Variants in REEP3 observed in about 807,000 individuals in gnomAD.
The protein encoded by REEP3 is receptor expression-enhancing protein 3.
In REEP3, 20 loss-of-function variants were observed where a neutral mutation model predicts 41.3. That is an observed-to-expected ratio of 0.48 (90% CI 0.34 to 0.70). The LOEUF is 0.70. REEP3 is among the 30% of genes least tolerant of loss of function. The pLI is 0.01. For missense variants in REEP3, 271 were observed against 308.8 expected (o/e 0.88, Z 0.92); for synonymous variants, 104 against 101.8 (o/e 1.02, Z -0.13).
At chr10:63,539,002 T>G (rs901269561) in intron 1 of REEP3, among the ~76,000 whole-genome samples, 1 of 152,178 alleles carries the variant, frequency 6.6e-6, no homozygotes, top group Non-Finnish European at 1.5e-5. Flanking sequence ...GCTAGTAGAT[T>G]TGCAGATCTG....
chr10:63,594,641 C>G (rs1390166628), intron 2 of REEP3, 137 bp from the exon 3 acceptor site: 9 of 629,506 alleles, frequency 1.4e-5, no homozygotes, highest in Non-Finnish European at 2.5e-5. Context: ...GCGTTTGACC[C>G]AACATACTAT....
At chr10:63,524,776 G>C (rs190186257) in intron 1 of REEP3, among the ~76,000 whole-genome samples, 6 of 152,196 alleles carry the variant, frequency 3.9e-5, no homozygotes, top group Middle Eastern at 3.4e-3. Context: ...GCGTGGTCTT[G>C]GGCAGCATGC....
intron 5 of REEP3, among the ~76,000 whole-genome samples, chr10:63,602,125 G>A (rs1226440734): frequency 1.3e-5 from 2 of 152,006 alleles, no homozygotes; most frequent in Non-Finnish European, 2.9e-5. Context: ...AAAAAAAAAG[G>A]CATAATCATT....
Position 63,622,685 on chromosome 10 carries a change from G to A in REEP3, c.*1816G>A, listed in dbSNP as rs1384028381. The A allele has an allele frequency of 2.1e-5, 3 of 145,282 alleles. No homozygotes were observed. The highest frequency in any genetic ancestry group is 5.3e-5 in the African/African-American group (2 of 37,804). The allele number at this position is 145,282 out of a possible 1,614,324, so 9.0% of individuals were successfully genotyped here. On this transcript the variant is annotated 3_prime_UTR_variant, in exon 8 of 8. Coordinates refer to ENST00000373758, the MANE Select transcript of REEP3 (RefSeq NM_001001330.3). ...TGAGTCAAGAACTTTATCTGTGGGA[G>A]CTGATTTGCACCATTTTACCTTTTT... is the stretch of plus-strand genomic sequence containing the variant.
At chr10:63,534,250 AT>A (rs374483167) in intron 1 of REEP3, among the ~76,000 whole-genome samples, 203 of 148,854 alleles carry the variant, frequency 1.4e-3, no homozygotes, top group Non-Finnish European at 1.8e-3. Flanking sequence ...ATTATTTTTT[AT>A]TTTTTTTTTG....
intron 1 of REEP3, among the ~76,000 whole-genome samples, chr10:63,540,860 A>G (rs1320637788): frequency 6.6e-6 from 1 of 152,150 alleles, no homozygotes; most frequent in African/African-American, 2.4e-5. Context: ...TGCTGAGACA[A>G]CAGGCATACA....
intron 2 of REEP3, among the ~76,000 whole-genome samples, chr10:63,594,256 T>C (rs935407738): frequency 1.3e-5 from 2 of 149,470 alleles, no homozygotes; most frequent in Admixed American, 1.3e-4. Context: ...AGTGTGGTGG[T>C]GCACACCTGT....
chr10:63,563,907 G>A (rs375688631), intron 1 of REEP3, among the ~76,000 whole-genome samples: 135 of 152,072 alleles, frequency 8.9e-4, no homozygotes, highest in African/African-American at 3.2e-3. Flanking sequence ...GAGAAGCATC[G>A]TACAACATAC....
chr10:63,618,985 C>T (rs1956332880), intron 6 of REEP3, among the ~76,000 whole-genome samples: 1 of 152,222 alleles, frequency 6.6e-6, no homozygotes, highest in South Asian at 2.1e-4. Flanking sequence ...ACTGATCTGC[C>T]TGATTCTATT....
intron 1 of REEP3, among the ~76,000 whole-genome samples, chr10:63,535,955 A>G (rs1414678834): frequency 6.6e-6 from 1 of 152,210 alleles, no homozygotes; most frequent in Non-Finnish European, 1.5e-5. Context: ...ACAACAAACC[A>G]TAGAGGAAGC....
intron 1 of REEP3, among the ~76,000 whole-genome samples, chr10:63,555,271 G>A (rs1955667568): frequency 6.6e-6 from 1 of 152,022 alleles, no homozygotes; most frequent in African/African-American, 2.4e-5. Flanking sequence ...TTCCCCATGG[G>A]TTTGACTCTT....
At chr10:63,607,859 A>C (rs1323247193) in intron 5 of REEP3, among the ~76,000 whole-genome samples, 4 of 152,160 alleles carry the variant, frequency 2.6e-5, no homozygotes, top group African/African-American at 9.7e-5. Flanking sequence ...AAACATACCA[A>C]AGTTTGGGGA....
At chr10:63,582,619 G>T (rs1955965103) in intron 2 of REEP3, among the ~76,000 whole-genome samples, 2 of 152,152 alleles carry the variant, frequency 1.3e-5, no homozygotes, top group Non-Finnish European at 2.9e-5. Flanking sequence ...TTAACTATAA[G>T]ATACAATTAG....
At chr10:63,527,665 A>G (rs1351725110) in intron 1 of REEP3, among the ~76,000 whole-genome samples, 3 of 152,114 alleles carry the variant, frequency 2.0e-5, no homozygotes, top group African/African-American at 7.2e-5. Context: ...TGGGCAACAG[A>G]GTGAGACCTT....
chr10:63,555,752 A>G (rs752298403), intron 1 of REEP3, among the ~76,000 whole-genome samples: 5 of 152,164 alleles, frequency 3.3e-5, no homozygotes, highest in Non-Finnish European at 5.9e-5. Context: ...TTTTAATCCA[A>G]CACCAAACTA....
intron 1 of REEP3, among the ~76,000 whole-genome samples, chr10:63,526,877 A>T (rs1955369570): frequency 6.6e-6 from 1 of 152,156 alleles, no homozygotes; most frequent in African/African-American, 2.4e-5. Flanking sequence ...GAGAGTTTAT[A>T]GTTTTAATAT....
At chr10:63,612,528 C>G (rs1429429476) in intron 6 of REEP3, among the ~76,000 whole-genome samples, 1 of 152,162 alleles carries the variant, frequency 6.6e-6, no homozygotes, top group Non-Finnish European at 1.5e-5. Flanking sequence ...CAGTGGCTCA[C>G]ACCTGTAATC....
intron 2 of REEP3, among the ~76,000 whole-genome samples, chr10:63,574,083 C>T (rs757436469): frequency 6.6e-6 from 1 of 152,198 alleles, no homozygotes; most frequent in Non-Finnish European, 1.5e-5. Flanking sequence ...GTCTAACTCT[C>T]TAGAGGCAAC....
chr10:63,532,617 C>A (rs2133341829), intron 1 of REEP3, among the ~76,000 whole-genome samples: 1 of 151,242 alleles, frequency 6.6e-6, no homozygotes. Context: ...GATCGCGCCA[C>A]TGCACTCCAG....
Sources: allele counts gnomAD v4.1 joint callset (sites outside exome capture counted in the v4.1 genomes callset), GRCh38; gene constraint gnomAD v4.1.1; transcripts MANE v1.5; gene names NCBI Gene and HGNC (gene_info 2026-07-23, HGNC 2026-07-21).